Variants in CDH18 observed in about 807,000 individuals in gnomAD.
CDH18 encodes the protein cadherin 18.
CDH18 carries 31 observed loss-of-function variants against 67.9 expected under a neutral mutation model. That is an observed-to-expected ratio of 0.46 (90% CI 0.34 to 0.62). The LOEUF is 0.62. Among genes scored for constraint, CDH18 ranks in the 20% least tolerant of loss-of-function variants. CDH18 has a pLI of 0.01. For synonymous variants in CDH18, 362 were observed against 347.2 expected (o/e 1.04, Z -0.48); for missense variants, 890 against 975.5 (o/e 0.91, Z 1.17).
At chr5:20,200,490 A>G (rs534192468) in intron 2 of CDH18, among the ~76,000 whole-genome samples, 58 of 152,196 alleles carry the variant, frequency 3.8e-4, no homozygotes, top group South Asian at 6.2e-4. Flanking sequence ...CCTTGGAAAC[A>G]TAGTGAAAAC....
intron 1 of CDH18, among the ~76,000 whole-genome samples, chr5:20,451,944 C>T (rs1750480507): frequency 1.3e-5 from 2 of 152,136 alleles, no homozygotes; most frequent in Admixed American, 1.3e-4. Context: ...AGAAGAGCTA[C>T]TCGTCTTCCC....
rs141099256 is a variant in CDH18, at chr5:19,705,585, T to A, written c.643+15762A>T. Among the ~76,000 whole-genome samples the A allele has an allele frequency of 3.7e-3, 571 of 152,300 alleles. 1 individual carries two copies. The highest frequency in any genetic ancestry group is 0.013 in the African/African-American group (537 of 41,568). The stretch of plus-strand genomic sequence containing the variant: ...GATCCAGAGAATACTCTAGATTTGC[T>A]AATTTTTTCAACTCAGCATTCACCT... On this transcript the variant is annotated intron_variant, in intron 5 of 12. Transcript: ENST00000382275.
chr5:20,316,073 C>G (rs1003993063), intron 1 of CDH18, among the ~76,000 whole-genome samples: 2 of 152,090 alleles, frequency 1.3e-5, no homozygotes, highest in Admixed American at 1.3e-4. Context: ...TTCTAACTAG[C>G]AGTGTGAGCT....
chr5:19,712,249 A>G (rs1163405560), intron 5 of CDH18, among the ~76,000 whole-genome samples: 1 of 152,052 alleles, frequency 6.6e-6, no homozygotes, highest in Non-Finnish European at 1.5e-5. Flanking sequence ...TTTCACCACT[A>G]TATATCCATG....
At chr5:19,949,905 C>A (rs1220747353) in intron 2 of CDH18, among the ~76,000 whole-genome samples, 1 of 151,670 alleles carries the variant, frequency 6.6e-6, no homozygotes, top group African/African-American at 2.4e-5. Context: ...TAAAGCAGCA[C>A]AATTCACAAT....
chr5:20,260,990 G>T (rs1744609754), intron 1 of CDH18, among the ~76,000 whole-genome samples: 1 of 152,084 alleles, frequency 6.6e-6, no homozygotes, highest in Non-Finnish European at 1.5e-5. Flanking sequence ...AGGCCTACAG[G>T]CCTGATTTAC....
chr5:20,193,621 C>G (rs1332747745), intron 2 of CDH18, among the ~76,000 whole-genome samples: 1 of 152,046 alleles, frequency 6.6e-6, no homozygotes, highest in Non-Finnish European at 1.5e-5. Flanking sequence ...CATCCTGATA[C>G]AAAAATCGGG....
At chr5:20,207,564 A>T (rs187190330) in intron 2 of CDH18, among the ~76,000 whole-genome samples, 1 of 152,190 alleles carries the variant, frequency 6.6e-6, no homozygotes, top group East Asian at 1.9e-4. Context: ...GGGAAGAAAA[A>T]GAACTCATGC....
chr5:19,728,068 A>C (rs1767091346), intron 4 of CDH18, among the ~76,000 whole-genome samples: 1 of 152,172 alleles, frequency 6.6e-6, no homozygotes. Flanking sequence ...TACGTGCTAG[A>C]CTTCAAAATG....
chr5:20,480,018 G>A (rs1752684840), intron 1 of CDH18, among the ~76,000 whole-genome samples: 1 of 152,062 alleles, frequency 6.6e-6, no homozygotes, highest in South Asian at 2.1e-4. Context: ...TTTTATCGTA[G>A]AATAATATAT....
chr5:19,671,243 C>T (rs1479827313), intron 5 of CDH18, among the ~76,000 whole-genome samples: 2 of 152,024 alleles, frequency 1.3e-5, no homozygotes, highest in Non-Finnish European at 2.9e-5. Flanking sequence ...CAGGTCACCA[C>T]CTTCTGTGCT....
At chr5:20,059,210 T>G (rs1044363916) in intron 2 of CDH18, among the ~76,000 whole-genome samples, 2 of 152,004 alleles carry the variant, frequency 1.3e-5, no homozygotes, top group African/African-American at 4.8e-5. Context: ...TCTATTTGAT[T>G]CTTCTCTCTT....
intron 2 of CDH18, among the ~76,000 whole-genome samples, chr5:19,896,815 T>G (rs535907444): frequency 1.3e-5 from 2 of 152,328 alleles, no homozygotes; most frequent in South Asian, 2.1e-4. Flanking sequence ...ACCAATTTTG[T>G]GGTTTTCATA....
intron 1 of CDH18, among the ~76,000 whole-genome samples, chr5:20,277,645 G>A (rs780294045): frequency 6.6e-6 from 1 of 152,052 alleles, no homozygotes; most frequent in East Asian, 1.9e-4. Flanking sequence ...GACCACCCAG[G>A]AAAACATGAC....
At chr5:19,962,961 T>C (rs1490412104) in intron 2 of CDH18, among the ~76,000 whole-genome samples, 4 of 152,124 alleles carry the variant, frequency 2.6e-5, no homozygotes, top group Non-Finnish European at 5.9e-5. Context: ...CACTATAGCC[T>C]GACAAAACAA....
chr5:20,021,964 A>G (rs908930682), intron 2 of CDH18, among the ~76,000 whole-genome samples: 1 of 152,228 alleles, frequency 6.6e-6, no homozygotes, highest in Non-Finnish European at 1.5e-5. Context: ...AGTACATTTT[A>G]GCCCCCAGAA....
At chr5:20,507,184 C>G (rs1754713784) in intron 1 of CDH18, among the ~76,000 whole-genome samples, 1 of 152,184 alleles carries the variant, frequency 6.6e-6, no homozygotes, top group Non-Finnish European at 1.5e-5. Context: ...ACAACACATA[C>G]AGCACAAATA....
chr5:20,076,484 C>A (rs1203255573), intron 2 of CDH18, among the ~76,000 whole-genome samples: 2 of 150,858 alleles, frequency 1.3e-5, no homozygotes, highest in African/African-American at 2.4e-5. Flanking sequence ...TTAATCATGT[C>A]TTTTAAAATA....
intron 5 of CDH18, among the ~76,000 whole-genome samples, chr5:19,623,011 C>T (rs972455632): frequency 1.3e-5 from 2 of 152,164 alleles, no homozygotes; most frequent in African/African-American, 4.8e-5. Flanking sequence ...ACCATTAAAT[C>T]ATACTATATA....
Sources: gnomAD v4.1 joint callset for allele counts (sites outside exome capture counted in the v4.1 genomes callset) on GRCh38, gnomAD v4.1.1 for gene constraint, MANE v1.5 for transcripts, NCBI Gene and HGNC (gene_info 2026-07-23, HGNC 2026-07-21) for gene names.